The following PEX5L variants were observed in gnomAD, a reference collection of about 807,000 sequenced individuals.
The protein encoded by PEX5L is peroxisomal biogenesis factor 5 like.
A neutral mutation model predicts 84.0 loss-of-function variants in PEX5L; 30 were observed. The ratio of observed to expected loss-of-function variants is 0.36; its 90% CI spans 0.27 to 0.48. The LOEUF (loss-of-function observed/expected upper bound fraction) is 0.48, where lower values mean the gene tolerates loss of function less well. Ranked by LOEUF, PEX5L falls within the 20% of genes least tolerant of loss-of-function variation. The pLI is 0.99. For synonymous variants in PEX5L, 270 were observed against 283.1 expected (o/e 0.95, Z 0.46); for missense variants, 533 against 754.6 (o/e 0.71, Z 3.44).
intron 1 of PEX5L, among the ~76,000 whole-genome samples, chr3:180,031,931 A>G (rs2108367839): frequency 7.7e-6 from 1 of 129,600 alleles, no homozygotes; most frequent in Non-Finnish European, 1.6e-5. Flanking sequence ...TTACTTTCAA[A>G]CACATGTTTT....
chr3:179,918,056 C>T (rs1444275319), intron 2 of PEX5L, among the ~76,000 whole-genome samples: 2 of 152,176 alleles, frequency 1.3e-5, no homozygotes, highest in African/African-American at 4.8e-5. Context: ...GAAACTGAGA[C>T]ACAGAGAGGT....
chr3:179,977,535 A>G (rs768651194), intron 1 of PEX5L, among the ~76,000 whole-genome samples: 10 of 152,078 alleles, frequency 6.6e-5, no homozygotes, highest in Non-Finnish European at 7.4e-5. Flanking sequence ...ACAGCCACAG[A>G]CTCATTTCTG....
At chr3:180,013,895 A>AC (rs1334017725) in intron 1 of PEX5L, among the ~76,000 whole-genome samples, 12 of 152,206 alleles carry the variant, frequency 7.9e-5, no homozygotes, top group Admixed American at 2.0e-4. Flanking sequence ...TGTGACTTTC[A>AC]TAATAAAAAA....
rs1718458439 is a variant in PEX5L at position 179,800,243 on chromosome 3, A to G, written c.*1585T>C. 1 of 152,118 alleles carries G rather than the reference A, an allele frequency of 6.6e-6. No individual in the cohort carries two copies. The highest frequency in any genetic ancestry group is 6.6e-5 in the Admixed American group (1 of 15,260). 9.4% of individuals were successfully genotyped at this position (152,118 alleles called of 1,614,324 possible). On this transcript the variant is annotated 3_prime_UTR_variant, in exon 15 of 15. Coordinates refer to ENST00000467460, the MANE Select transcript of PEX5L (RefSeq NM_016559.3). ...AGCCAATTAGACTGTTTTGATCCCA[A>G]TTCTGTGGAGTCTTTTTTGTTGTTG...
In PEX5L at chr3:179,815,830, T is replaced by C. The variant is rs147123024; in HGVS notation, c.1083+31A>G. 2.8e-4 allele frequency: 458 copies of C among 1,612,594 alleles called. No homozygotes were observed. In the African/African-American group the frequency reaches 4.7e-3, roughly 17 times the overall value. On this transcript the variant is annotated intron_variant, in intron 10 of 14. Coordinates refer to ENST00000467460, the MANE Select transcript of PEX5L (RefSeq NM_016559.3). ...GTCCCTTGTTAGCACATGCCCTTTC[T>C]GAGTCTGGCAGAATGAAGGGAGAAT...
At chr3:179,843,943 T>G (rs1425464821) in intron 8 of PEX5L, among the ~76,000 whole-genome samples, 1 of 152,232 alleles carries the variant, frequency 6.6e-6, no homozygotes, top group East Asian at 1.9e-4. Context: ...AAGTTCTTCC[T>G]GAGTAATGAG....
intron 1 of PEX5L, among the ~76,000 whole-genome samples, chr3:180,022,531 T>C (rs1341459682): frequency 2.0e-5 from 3 of 152,218 alleles, no homozygotes; most frequent in Non-Finnish European, 4.4e-5. Flanking sequence ...ATTAAAGTAA[T>C]ACATGAAACA....
chr3:179,943,245 A>G (rs1417975717), intron 2 of PEX5L, among the ~76,000 whole-genome samples: 1 of 152,250 alleles, frequency 6.6e-6, no homozygotes, highest in Non-Finnish European at 1.5e-5. Context: ...CACTGTATGA[A>G]CACTATGCCC....
intron 1 of PEX5L, among the ~76,000 whole-genome samples, chr3:179,987,498 C>T (rs1786964683): frequency 6.6e-6 from 1 of 152,174 alleles, no homozygotes; most frequent in Admixed American, 6.5e-5. Flanking sequence ...TCTTAGAATT[C>T]TGTATTAAGA....
Position 179,880,136 on chromosome 3 carries a change from G to C in PEX5L, c.311-13C>G. On this transcript the variant is annotated splice_polypyrimidine_tract_variant and intron_variant, in intron 4 of 14. Coordinates refer to ENST00000467460, the MANE Select transcript of PEX5L (RefSeq NM_016559.3). The stretch of plus-strand genomic sequence containing the variant: ...CCAGTGGTCAATACTACCAGAAATG[G>C]AAGAGGTTAAGATAAGCCCATTTAC... 6.4e-7 allele frequency: 1 copy of C among 1,563,890 alleles called. No individual in the cohort carries two copies. Among genetic ancestry groups the C allele is most frequent in the Non-Finnish European group, 8.7e-7 (1 of 1,150,532 alleles).
At chr3:179,878,714 G>A (rs1371139491) in intron 5 of PEX5L, among the ~76,000 whole-genome samples, 1 of 152,106 alleles carries the variant, frequency 6.6e-6, no homozygotes, top group Non-Finnish European at 1.5e-5. Context: ...AGCTCACATA[G>A]TACCTCTTGT....
chr3:179,838,651 T>C (rs1026035630), intron 8 of PEX5L, among the ~76,000 whole-genome samples: 1 of 152,164 alleles, frequency 6.6e-6, no homozygotes, highest in Non-Finnish European at 1.5e-5. Flanking sequence ...TAATAACTGT[T>C]AGAATTATTT....
chr3:179,935,121 C>T (rs892142805), intron 2 of PEX5L, among the ~76,000 whole-genome samples: 5 of 150,024 alleles, frequency 3.3e-5, no homozygotes, highest in African/African-American at 9.8e-5. Context: ...CAGACTTACT[C>T]GAGTCCTGAC....
intron 2 of PEX5L, among the ~76,000 whole-genome samples, chr3:179,933,445 C>CTTT (rs11425606): frequency 6.6e-6 from 1 of 150,380 alleles, no homozygotes; most frequent in African/African-American, 2.4e-5. Context: ...ATACAATTCT[C>CTTT]TTTTTTTTTT....
At position 179,968,723 on chromosome 3, in the gene PEX5L, C is replaced by CTGTGTG. The variant is rs1553919725; in HGVS notation, c.93+2865_93+2870dup. 4.0e-3 allele frequency among the ~76,000 whole-genome samples: 445 copies of CTGTGTG among 111,346 alleles called. 1 individual carries two copies. Among genetic ancestry groups the CTGTGTG allele is most frequent in the Non-Finnish European group, 3.9e-3 (217 of 55,366 alleles). The allele number at this position is 111,346 out of a possible 152,430, so 73.0% of individuals were successfully genotyped here. ...TGTGTGTGTGTGTGTGTGTGTGTGT[C>CTGTGTG]TGTGTGTGTCTGTGTGTCTGTGTAT... On this transcript the variant is annotated intron_variant, in intron 2 of 14. Transcript: ENST00000467460.
Position 179,986,637 on chromosome 3 carries a change from C to T in PEX5L, c.22-14972G>A, listed in dbSNP as rs554788099. On this transcript the variant is annotated intron_variant, in intron 1 of 14. Coordinates refer to ENST00000467460, the MANE Select transcript of PEX5L (RefSeq NM_016559.3). ...CAGGATAGTCTCTATCTCCTGACCT[C>T]GTGATCCGCCCGTCTTGGCCTCCCA... Among the ~76,000 whole-genome samples, 5 of 152,156 alleles carry T rather than the reference C, an allele frequency of 3.3e-5. No homozygotes were observed. The East Asian group carries it at 7.7e-4, about 24-fold the overall frequency.
At position 180,036,848 on chromosome 3, in the gene PEX5L, G is replaced by T; in HGVS notation, c.-249C>A. ...AGCGCGCAGAGAAGGCGAGGAGCCGGGTCGGCCAGGCTCTCCTGCAGGCGC... is the reference window on the plus strand; with the variant it reads ...AGCGCGCAGAGAAGGCGAGGAGCCGTGTCGGCCAGGCTCTCCTGCAGGCGC... On this transcript the variant is annotated 5_prime_UTR_variant, in exon 1 of 15. Transcript: ENST00000467460. 2 of 561,504 alleles carry T rather than the reference G, an allele frequency of 3.6e-6. No homozygotes were observed. The highest frequency in any genetic ancestry group is 4.2e-5 in the South Asian group (2 of 47,842). 34.8% of individuals were successfully genotyped at this position (561,504 alleles called of 1,614,324 possible).
At chr3:179,908,991 A>T (rs1438007109) in intron 2 of PEX5L, among the ~76,000 whole-genome samples, 1 of 152,210 alleles carries the variant, frequency 6.6e-6, no homozygotes, top group African/African-American at 2.4e-5. Flanking sequence ...AATGCCCAGC[A>T]CATAGTAGGT....
intron 1 of PEX5L, among the ~76,000 whole-genome samples, chr3:179,983,411 G>A (rs1786519748): frequency 6.6e-6 from 1 of 151,914 alleles, no homozygotes; most frequent in African/African-American, 2.4e-5. Flanking sequence ...ATTGTCTGCA[G>A]AACCCTGATG....
Sources: gnomAD v4.1 joint callset for allele counts (sites outside exome capture counted in the v4.1 genomes callset) on GRCh38, gnomAD v4.1.1 for gene constraint, MANE v1.5 for transcripts, NCBI Gene and HGNC (gene_info 2026-07-23, HGNC 2026-07-21) for gene names.